The following SNRNP200 variants were observed in gnomAD, a reference collection of about 807,000 sequenced individuals.
SNRNP200 encodes small nuclear ribonucleoprotein U5 subunit 200, also known as U5 small nuclear ribonucleoprotein 200 kDa helicase.
In SNRNP200, 66 loss-of-function variants were observed where a neutral mutation model predicts 255.2. That is an observed-to-expected ratio of 0.26 (90% CI 0.21 to 0.32). The LOEUF is 0.32. SNRNP200 is among the 10% of genes least tolerant of loss of function. SNRNP200 has a pLI of 1.00. For synonymous variants in SNRNP200, 939 were observed against 1,027.8 expected (o/e 0.91, Z 1.65); for missense variants, 1,585 against 2,749.8 (o/e 0.58, Z 9.47).
Position 96,303,107 on chromosome 2 carries a change from T to A in SNRNP200, c.381+52A>T, listed in dbSNP as rs1001035342. On this transcript the variant is annotated intron_variant, in intron 3 of 44. Coordinates refer to ENST00000323853, the MANE Select transcript of SNRNP200 (RefSeq NM_014014.5). ...GATTCCAAGGATCTTAGAAGCTGTA[T>A]GCCAGAAAATGAAATAAAGACCTAA... is the stretch of plus-strand genomic sequence containing the variant. The A allele has an allele frequency of 3.8e-6, 6 of 1,581,548 alleles. No individual in the cohort carries two copies. The Admixed American group carries it at 6.7e-5, about 18-fold the overall frequency.
intron 2 of SNRNP200, among the ~76,000 whole-genome samples, chr2:96,304,255 A>T (rs867348699): frequency 7.2e-5 from 11 of 152,156 alleles, no homozygotes; most frequent in Admixed American, 3.3e-4. Flanking sequence ...CTTAAAAAAA[A>T]AAAATAAAGG....
chr2:96,301,444 A>C (rs2063951504), intron 4 of SNRNP200, 80 bp downstream of exon 4: 1 of 1,444,282 alleles, frequency 6.9e-7, no homozygotes, highest in Non-Finnish European at 9.8e-7. Flanking sequence ...AAGGTTTTTA[A>C]ATGAATGATG....
chr2:96,304,671 C>G, intron 2 of SNRNP200, 34 bp downstream of exon 2: 7 of 1,613,730 alleles, frequency 4.3e-6, no homozygotes, highest in Non-Finnish European at 5.9e-6. Context: ...GACTTTGGAT[C>G]TGAAGGAAAA....
intron 30 of SNRNP200, chr2:96,284,824 A>G: frequency 1.8e-6 from 1 of 555,606 alleles, no homozygotes; most frequent in Non-Finnish European, 3.2e-6. Flanking sequence ...AACTTGGCTC[A>G]CTGCAACCTC....
Position 96,287,037 on chromosome 2 carries a change from G to C in SNRNP200, c.3608C>G (p.Thr1203Ser). 4 of 1,614,204 alleles carry C rather than the reference G, an allele frequency of 2.5e-6. No individual in the cohort carries two copies. The highest frequency in any genetic ancestry group is 3.4e-6 in the Non-Finnish European group (4 of 1,180,040). The change falls in exon 27 of 45, where the codon ACC becomes AGC. Residue 1203 changes from threonine to serine, a missense_variant. By Grantham distance (58) the Thr-to-Ser change is moderately conservative. Around this residue, in one of 9 missense-constraint regions of SNRNP200, gnomAD observed 719 missense variants for 1,091.1 expected, o/e 0.66. Coordinates refer to ENST00000323853, the MANE Select transcript of SNRNP200 (RefSeq NM_014014.5). The surrounding 1 kb of genome is among the most constrained non-coding windows in gnomAD (Gnocchi z 5.7). The stretch of plus-strand genomic sequence containing the variant: ...ATCCCACTGGAAGTCTGGCGTGATG[G>C]TCAGCTCCACCTTCAGGGTGGAGCG... ...ITRSTLKVELTITPDFQWDEK... is the reference protein window; with the variant it reads ...ITRSTLKVELSITPDFQWDEK...
Position 96,290,476 on chromosome 2 carries a change from C to T in SNRNP200, c.2592G>A (p.Lys864=). Residue 864 remains lysine, a synonymous_variant, in exon 20 of 45, where the codon AAG becomes AAA. Transcript: ENST00000323853. This position sits in a 1 kb window ranked among gnomAD's most constrained non-coding sequence, Gnocchi z 4.5. Reference sequence around the variant, plus strand: ...GAGATGTGATGAGTATGCCTTCACCCTTGGTGTCATACTGGGGTCTTCCGG... The same window carrying T: ...GAGATGTGATGAGTATGCCTTCACCTTTGGTGTCATACTGGGGTCTTCCGG... The part of the protein sequence containing the change: ...GRAGRPQYDT[K]GEGILITSHG... 1 of 1,614,156 alleles carries T rather than the reference C, an allele frequency of 6.2e-7. No homozygotes were observed. The highest frequency in any genetic ancestry group is 1.1e-5 in the South Asian group (1 of 91,080).
intron 31 of SNRNP200, 161 bp from the exon 32 acceptor site, chr2:96,284,165 C>T: frequency 1.2e-6 from 1 of 859,508 alleles, no homozygotes; most frequent in Non-Finnish European, 1.9e-6. Flanking sequence ...CGGCAGCCAA[C>T]CTCCACTAAA....
chr2:96,299,502 C>T, intron 5 of SNRNP200, 75 bp from the exon 6 acceptor site: 1 of 1,264,190 alleles, frequency 7.9e-7, no homozygotes, highest in South Asian at 1.2e-5. Flanking sequence ...CCTCAAGTCA[C>T]CCTAAATTAG....
At chr2:96,276,633 G>A (rs1573987071) in intron 43 of SNRNP200, 1 of 449,258 alleles carries the variant, frequency 2.2e-6, no homozygotes. Context: ...TGTTGGCCAG[G>A]CTGGTCTCGA....
rs2063822901 is a variant in SNRNP200 at position 96,283,680 on chromosome 2, G to A, written c.4618C>T (p.Leu1540Phe). The change falls in exon 33 of 45, where the codon CTC (leucine) becomes TTC (phenylalanine). Residue 1540 changes from leucine to phenylalanine, a missense_variant. Leu to Phe is a conservative substitution (Grantham distance 22, BLOSUM62 0). Transcript: ENST00000323853. The surrounding 1 kb of genome is among the most constrained non-coding windows in gnomAD (Gnocchi z 4.7). ...FNISHTQTRLLSMAKPVYHAI... is the reference protein window; with the variant it reads ...FNISHTQTRLFSMAKPVYHAI... ...TGGTACACAGGCTTGGCCATGGAGA[G>A]CAGGCGGGTTTGTGTATGGCTGATG... is the stretch of plus-strand genomic sequence containing the variant. 3 of 1,614,022 alleles carry A rather than the reference G, an allele frequency of 1.9e-6. No homozygotes were observed. Among genetic ancestry groups the A allele is most frequent in the Non-Finnish European group, 2.5e-6 (3 of 1,180,050 alleles).
Position 96,289,236 on chromosome 2 carries a change from T to C in SNRNP200, c.3084A>G (p.Thr1028=). ...TGCTGCATAGGCTCACCTCTCTCAC[T>C]GTGATGTTCTTGAACTCAGAGGACA... The part of the protein sequence containing the change: ...FSLSSEFKNI[T]VREEEKLELQ... The change falls in exon 22 of 45, where the codon ACA becomes ACG. Residue 1028 remains threonine, a synonymous_variant. Coordinates refer to ENST00000323853, the MANE Select transcript of SNRNP200 (RefSeq NM_014014.5). 6.2e-7 allele frequency: 1 copy of C among 1,614,228 alleles called. No homozygotes were observed. The highest frequency in any genetic ancestry group is 8.5e-7 in the Non-Finnish European group (1 of 1,180,036).
intron 3 of SNRNP200, among the ~76,000 whole-genome samples, chr2:96,302,924 T>C (rs966341643): frequency 1.1e-4 from 16 of 152,150 alleles, no homozygotes; most frequent in African/African-American, 3.4e-4. Context: ...TGTGCAGCTA[T>C]CCACAAACTC....
intron 8 of SNRNP200, 34 bp downstream of exon 8, chr2:96,298,569 C>T (rs368580596): frequency 1.7e-4 from 269 of 1,604,468 alleles, no homozygotes; most frequent in Non-Finnish European, 2.2e-4. Context: ...CACATATGTA[C>T]TCACTCTGCA....
intron 43 of SNRNP200, 73 bp downstream of exon 43, chr2:96,276,831 T>G: frequency 7.4e-7 from 1 of 1,343,758 alleles, no homozygotes; most frequent in Admixed American, 1.7e-5. Context: ...AGGGACAGTG[T>G]GCCCTTGTAC....
Position 96,278,067 on chromosome 2 carries a change from G to T in SNRNP200, c.5611-117C>A. ...AGCCCTTCAACACCCTGAGGCATGT[G>T]GGTGGTAATGGGATGGAGATGGGTT... On this transcript the variant is annotated intron_variant, in intron 39 of 44. Coordinates refer to ENST00000323853, the MANE Select transcript of SNRNP200 (RefSeq NM_014014.5). This position sits in a 1 kb window ranked among gnomAD's most constrained non-coding sequence, Gnocchi z 6.9. 2 of 1,532,500 alleles carry T rather than the reference G, an allele frequency of 1.3e-6. No individual in the cohort carries two copies. The highest frequency in any genetic ancestry group is 1.1e-5 in the South Asian group (1 of 88,728). 94.9% of individuals were successfully genotyped at this position (1,532,500 alleles called of 1,614,324 possible).
rs1435149307 is a variant in SNRNP200, at chr2:96,304,872, A to G, written c.46-4T>C. 6.2e-7 allele frequency: 1 copy of G among 1,613,914 alleles called. No homozygotes were observed. Among genetic ancestry groups the G allele is most frequent in the Non-Finnish European group, 8.5e-7 (1 of 1,179,892 alleles). ...CTTGGAGCACAAGATTCGAGTTCTG[A>G]AAAGATCAAAACATTATTGAAGCTT... On this transcript the variant is annotated splice_region_variant and splice_polypyrimidine_tract_variant and intron_variant, in intron 1 of 44. Transcript: ENST00000323853.
In SNRNP200 at chr2:96,303,350, A is replaced by G; in HGVS notation, c.210-20T>C. ...CTTCGCCTAATGGACATGCAATGTG[A>G]TATTGAATGGCAGAACCTTTCGTCC... On this transcript the variant is annotated intron_variant, in intron 2 of 44. Transcript: ENST00000323853. 1 of 1,613,942 alleles carries G rather than the reference A, an allele frequency of 6.2e-7. No homozygotes were observed. The highest frequency in any genetic ancestry group is 8.5e-7 in the Non-Finnish European group (1 of 1,180,000).
chr2:96,274,676 G>T lies in SNRNP200; in HGVS notation c.*336C>A. 1 of 366,606 alleles carries T rather than the reference G, an allele frequency of 2.7e-6. No individual in the cohort carries two copies. The highest frequency in any genetic ancestry group is 5.2e-6 in the Non-Finnish European group (1 of 192,002). 22.7% of individuals were successfully genotyped at this position (366,606 alleles called of 1,614,324 possible). A position where few individuals can be genotyped will look rare whatever the true frequency, so the allele number is the denominator to read the frequency against. ...AAAAAATAACCAGATCTTTTTGGCC[G>T]TGCCCTCAGGTTGGAGAAAGAAAAC... is the stretch of plus-strand genomic sequence containing the variant. On this transcript the variant is annotated 3_prime_UTR_variant, in exon 45 of 45. Coordinates refer to ENST00000323853, the MANE Select transcript of SNRNP200 (RefSeq NM_014014.5).
At position 96,274,640 on chromosome 2, in the gene SNRNP200, C is replaced by G; in HGVS notation, c.*372G>C. ...CTCCAGACATACTCATTAACAAGCA[C>G]GTTCCTGGCTAAAAAATAACCAGAT... On this transcript the variant is annotated 3_prime_UTR_variant, in exon 45 of 45. Coordinates refer to ENST00000323853, the MANE Select transcript of SNRNP200 (RefSeq NM_014014.5). The G allele has an allele frequency of 2.8e-6, 1 of 351,478 alleles. No homozygotes were observed. The highest frequency in any genetic ancestry group is 5.5e-6 in the Non-Finnish European group (1 of 181,554). 21.8% of individuals were successfully genotyped at this position (351,478 alleles called of 1,614,324 possible).
Sources: allele counts gnomAD v4.1 joint callset (sites outside exome capture counted in the v4.1 genomes callset), GRCh38; gene constraint gnomAD v4.1.1; regional missense constraint gnomAD v4.1.1; non-coding constraint Gnocchi (gnomAD v3.1); transcripts MANE v1.5; gene names NCBI Gene and HGNC (gene_info 2026-07-23, HGNC 2026-07-21).